Variants in EEF1D observed in about 807,000 individuals in gnomAD.
EEF1D encodes the protein elongation factor 1-delta.
Under a neutral mutation model 63.9 loss-of-function variants are expected in EEF1D, and 47 were observed. That is an observed-to-expected ratio of 0.74 (90% CI 0.58 to 0.94). The LOEUF is 0.94. EEF1D is among the 40% of genes least tolerant of loss of function. The pLI, the probability that EEF1D is intolerant of heterozygous loss-of-function variation, is 0.00. For missense variants in EEF1D, 907 were observed against 899.0 expected (o/e 1.01, Z -0.11); for synonymous variants, 412 against 386.1 (o/e 1.07, Z -0.79).
rs1241548945 is a variant in EEF1D at position 143,589,625 on chromosome 8, G to C, written c.457C>G (p.Gln153Glu). Residue 153 changes from glutamine to glutamate, a missense_variant, in exon 3 of 10, where the codon CAG (glutamine) becomes GAG (glutamate). Physicochemically the swap from Gln to Glu is conservative, Grantham distance 29. Transcript: ENST00000618139. Reference protein sequence around the residue: ...APWGLCTHGNQVACHHVTWGI... With the variant: ...APWGLCTHGNEVACHHVTWGI... ...CAGGTCACGTGGTGGCAGGCCACCTGGTTTCCATGGGTGCAGAGACCCCAA... is the reference window on the plus strand; with the variant it reads ...CAGGTCACGTGGTGGCAGGCCACCTCGTTTCCATGGGTGCAGAGACCCCAA... 6.5e-7 allele frequency: 1 copy of C among 1,536,904 alleles called. No homozygotes were observed. Among genetic ancestry groups the C allele is most frequent in the East Asian group, 2.3e-5 (1 of 43,802 alleles).
At chr8:143,581,572 T>C in intron 5 of EEF1D, 1 of 569,736 alleles carries the variant, frequency 1.8e-6, no homozygotes, top group Non-Finnish European at 3.1e-6. Context: ...ACGGAGGCTG[T>C]GGGGAGCTGG....
In EEF1D at chr8:143,588,957, C is replaced by T. The variant is rs368570173; in HGVS notation, c.1091+34G>A. 2.2e-5 allele frequency: 35 copies of T among 1,578,544 alleles called. No individual in the cohort carries two copies. In the African/African-American group the frequency reaches 3.9e-4, roughly 18 times the overall value. On this transcript the variant is annotated intron_variant, in intron 3 of 9. Coordinates refer to ENST00000618139, the MANE Select transcript of EEF1D (RefSeq NM_001130053.5). ...GATGGCTGTCCCTGTGCCCACAGCCCAGGCTGGGTGCCCACCCAGCACGTT... is the reference window on the plus strand; with the variant it reads ...GATGGCTGTCCCTGTGCCCACAGCCTAGGCTGGGTGCCCACCCAGCACGTT...
intron 7 of EEF1D, 56 bp downstream of exon 7, chr8:143,580,998 G>T: frequency 6.3e-7 from 1 of 1,576,236 alleles, no homozygotes; most frequent in Non-Finnish European, 8.7e-7. Flanking sequence ...GGGCGACGTG[G>T]AAGCCAGCAG....
chr8:143,580,429 G>T (rs923588482), intron 8 of EEF1D, 77 bp downstream of exon 8: 9 of 1,516,426 alleles, frequency 5.9e-6, no homozygotes, highest in Non-Finnish European at 8.1e-6. Context: ...AGGGCAGGGG[G>T]AGGGTCACAG....
intron 3 of EEF1D, 161 bp from the exon 4 acceptor site, chr8:143,587,013 T>C (rs1279723622): frequency 2.2e-6 from 2 of 909,798 alleles, no homozygotes; most frequent in Non-Finnish European, 3.3e-6. Context: ...CCACATGGCA[T>C]CCCCAGGCCT....
chr8:143,595,234 T>TC lies in EEF1D; in HGVS notation c.-15+2113_-15+2114insG, dbSNP rs1828606989. Among the ~76,000 whole-genome samples, 7 of 53,234 alleles carry TC rather than the reference T, an allele frequency of 1.3e-4. No homozygotes were observed. The South Asian group carries it at 3.6e-3, about 27-fold the overall frequency. The allele number at this position is 53,234 out of a possible 152,430, so 34.9% of individuals were successfully genotyped here. On this transcript the variant is annotated intron_variant, in intron 1 of 9. Transcript: ENST00000618139. ...ACAGGCGTGTGCCACCACACCTGGCTATTTTTTCATATTTTTAGTAGAGAT... is the reference window on the plus strand; with the variant it reads ...ACAGGCGTGTGCCACCACACCTGGCTCATTTTTTCATATTTTTAGTAGAGAT...
chr8:143,596,661 G>A (rs1564001978), intron 1 of EEF1D: 1 of 152,278 alleles, frequency 6.6e-6, no homozygotes, highest in African/African-American at 2.4e-5. Context: ...CTGCTGCCAG[G>A]CGGTCCTTCA....
chr8:143,585,808 C>T (rs1826473869), intron 5 of EEF1D, among the ~76,000 whole-genome samples: 1 of 152,186 alleles, frequency 6.6e-6, no homozygotes, highest in Admixed American at 6.5e-5. Flanking sequence ...CCTTGCAGAA[C>T]CACCACTTCT....
At chr8:143,593,086 C>T (rs1828243417) in intron 1 of EEF1D, 2 of 152,346 alleles carry the variant, frequency 1.3e-5, no homozygotes, top group South Asian at 4.1e-4. Flanking sequence ...CCCCCAAGCC[C>T]CTCACCTGCA....
intron 5 of EEF1D, 164 bp from the exon 6 acceptor site, chr8:143,581,492 GC>G: frequency 1.6e-6 from 1 of 619,698 alleles, no homozygotes; most frequent in Non-Finnish European, 2.8e-6. Context: ...AGAGGTGGCG[GC>G]CACCACAGAC....
chr8:143,589,429 C>T lies in EEF1D; in HGVS notation c.653G>A (p.Gly218Asp). ...LAHQPSPPVN[G>D]QPPLGSLQAL... Reference sequence around the variant, plus strand: ...CTGCAGGCTGCCCAGCGGGGGCTGGCCATTGACCGGTGGGCTGGGCTGGTG... The same window carrying T: ...CTGCAGGCTGCCCAGCGGGGGCTGGTCATTGACCGGTGGGCTGGGCTGGTG... The change falls in exon 3 of 10, where the codon GGC becomes GAC. Residue 218 changes from glycine to aspartate, a missense_variant. Physicochemically the swap from Gly to Asp is moderately conservative, Grantham distance 94. Transcript: ENST00000618139. 1 of 1,528,552 alleles carries T rather than the reference C, an allele frequency of 6.5e-7. No homozygotes were observed. The highest frequency in any genetic ancestry group is 1.2e-5 in the South Asian group (1 of 81,124). 94.7% of individuals were successfully genotyped at this position (1,528,552 alleles called of 1,614,324 possible). A position where few individuals can be genotyped will look rare whatever the true frequency, so the allele number is the denominator to read the frequency against.
chr8:143,594,860 G>A (rs879705766), intron 1 of EEF1D, among the ~76,000 whole-genome samples: 7 of 151,756 alleles, frequency 4.6e-5, no homozygotes, highest in Admixed American at 1.3e-4. Context: ...ACCACCGCAC[G>A]GCAGAGCAGC....
Position 143,581,080 on chromosome 8 carries a change from G to A in EEF1D, c.1462C>T (p.His488Tyr), listed in dbSNP as rs745685808. Residue 488 changes from histidine to tyrosine, a missense_variant, in exon 7 of 10, where the codon CAC (histidine) becomes TAC (tyrosine). Coordinates refer to ENST00000618139, the MANE Select transcript of EEF1D (RefSeq NM_001130053.5). ...TGGGTCTGTGGGGCCGTGGCCCGGT[G>A]GCCAGGCGAGCTCTTCTCCAGCACG... is the stretch of plus-strand genomic sequence containing the variant. The part of the protein sequence containing the change: ...LNVLEKSSPG[H>Y]RATAPQTQHV... 6 of 1,612,272 alleles carry A rather than the reference G, an allele frequency of 3.7e-6. No individual in the cohort carries two copies. The South Asian group carries it at 5.5e-5, about 15-fold the overall frequency.
chr8:143,584,057 TC>T (rs1826062603), intron 5 of EEF1D: 1 of 152,266 alleles, frequency 6.6e-6, no homozygotes, highest in Non-Finnish European at 1.5e-5. Context: ...ATCTCAGACT[TC>T]TGGCCCCCGG....
chr8:143,589,466 G>T lies in EEF1D; in HGVS notation c.616C>A (p.Pro206Thr). Residue 206 changes from proline (P) to threonine (T), a missense_variant, in exon 3 of 10, where the codon CCC (proline) becomes ACC (threonine). Coordinates refer to ENST00000618139, the MANE Select transcript of EEF1D (RefSeq NM_001130053.5). Reference protein sequence around the residue: ...TPNTGQQVAVPDLAHQPSPPV... With the variant: ...TPNTGQQVAVTDLAHQPSPPV... ...GGGCTGGGCTGGTGGGCCAGGTCGGGGACGGCCACCTGCTGGCCTGTGTTG... is the reference window on the plus strand; with the variant it reads ...GGGCTGGGCTGGTGGGCCAGGTCGGTGACGGCCACCTGCTGGCCTGTGTTG... The T allele has an allele frequency of 6.5e-7, 1 of 1,529,722 alleles. No individual in the cohort carries two copies. The highest frequency in any genetic ancestry group is 8.8e-7 in the Non-Finnish European group (1 of 1,134,928). The allele number at this position is 1,529,722 out of a possible 1,614,324, so 94.8% of individuals were successfully genotyped here. A position where few individuals can be genotyped will look rare whatever the true frequency, so the allele number is the denominator to read the frequency against.
At chr8:143,585,215 T>C (rs73718108) in intron 5 of EEF1D, among the ~76,000 whole-genome samples, 22,248 of 152,146 alleles carry the variant, frequency 0.15, 2,119 homozygotes, top group East Asian at 0.34. Flanking sequence ...GGGAACATCC[T>C]GGACCTGGGA....
rs527909068 is a variant in EEF1D, at chr8:143,586,271, A to G, written c.1235T>C (p.Ile412Thr). ...TCTGGCTCTCGCAATGTCACGGAGG[A>G]TCACGCTGGCGCCGTTCTCCTGCAG... ...ASRQENGASV[I>T]LRDIARAREN... Residue 412 changes from isoleucine to threonine, a missense_variant, in exon 5 of 10, where the codon ATC becomes ACC. Coordinates refer to ENST00000618139, the MANE Select transcript of EEF1D (RefSeq NM_001130053.5). 6.2e-7 allele frequency: 1 copy of G among 1,607,956 alleles called. No homozygotes were observed. The highest frequency in any genetic ancestry group is 1.7e-5 in the Admixed American group (1 of 59,738).
At chr8:143,595,081 T>G (rs1474112001) in intron 1 of EEF1D, among the ~76,000 whole-genome samples, 2 of 149,990 alleles carry the variant, frequency 1.3e-5, no homozygotes, top group Non-Finnish European at 3.0e-5. Flanking sequence ...AATTTTTGGG[T>G]TTTTTTTGAG....
rs1824952740 is a variant in EEF1D, at chr8:143,579,833, G to A, written c.1906-3C>T. ...GCTGCGATATCGACACTCTGCACCT[G>A]AGGAGAGGCGGAGGGTGACGGTCAG... On this transcript the variant is annotated splice_region_variant and splice_polypyrimidine_tract_variant and intron_variant, in intron 9 of 9. Transcript: ENST00000618139. The A allele has an allele frequency of 1.9e-6, 3 of 1,563,140 alleles. No homozygotes were observed. The highest frequency in any genetic ancestry group is 2.6e-6 in the Non-Finnish European group (3 of 1,151,780).
Sources: allele counts gnomAD v4.1 joint callset (sites outside exome capture counted in the v4.1 genomes callset), GRCh38; gene constraint gnomAD v4.1.1; transcripts MANE v1.5; gene names NCBI Gene and HGNC (gene_info 2026-07-23, HGNC 2026-07-21).